The following OSBPL8 variants were observed in gnomAD, a reference collection of about 807,000 sequenced individuals.
OSBPL8 encodes oxysterol-binding protein-related protein 8.
In OSBPL8, 59 loss-of-function variants were observed where a neutral mutation model predicts 125.5. That is an observed-to-expected ratio of 0.47 (90% CI 0.38 to 0.58). The LOEUF is 0.58. Among genes scored for constraint, OSBPL8 ranks in the 20% least tolerant of loss-of-function variants. The pLI, the probability that OSBPL8 is intolerant of heterozygous loss-of-function variation, is 0.00. For missense variants in OSBPL8, 758 were observed against 1,047.8 expected (o/e 0.72, Z 3.82); for synonymous variants, 330 against 338.9 (o/e 0.97, Z 0.29).
chr12:76,358,175 C>CTTTTTTTTTT (rs60714321), intron 22 of OSBPL8, among the ~76,000 whole-genome samples: 2 of 100,192 alleles, frequency 2.0e-5, no homozygotes, highest in Non-Finnish European at 3.8e-5. Flanking sequence ...GAGTGTGGTT[C>CTTTTTTTTTT]TTTTTTTTTT....
chr12:76,465,821 C>T (rs572650248), intron 2 of OSBPL8, among the ~76,000 whole-genome samples: 5 of 152,158 alleles, frequency 3.3e-5, no homozygotes, highest in African/African-American at 1.2e-4. Flanking sequence ...GCCTGGCCAA[C>T]ATGGTGAAAC....
chr12:76,503,955 G>T lies in OSBPL8; in HGVS notation c.-67-16337C>A, dbSNP rs186246739. On this transcript the variant is annotated intron_variant, in intron 1 of 23. Coordinates refer to ENST00000261183, the MANE Select transcript of OSBPL8 (RefSeq NM_020841.5). ...CTAAGCTATGAGACTCAGTTGTTTG[G>T]TTAAACATCAGTATAGATGTTGCTG... 5.7e-4 allele frequency among the ~76,000 whole-genome samples: 87 copies of T among 151,984 alleles called. 2 individuals are homozygous for T. Among genetic ancestry groups the T allele is most frequent in the African/African-American group, 2.1e-3 (86 of 41,432 alleles).
At chr12:76,487,021 ATT>A (rs63178360) in intron 2 of OSBPL8, among the ~76,000 whole-genome samples, 49 of 101,888 alleles carry the variant, frequency 4.8e-4, no homozygotes, top group Non-Finnish European at 8.4e-4. Context: ...TGCAATTTTC[ATT>A]TTTTTTTTTT....
chr12:76,373,733 C>CT (rs1952706844), intron 17 of OSBPL8, among the ~76,000 whole-genome samples: 1 of 5,884 alleles, frequency 1.7e-4, no homozygotes, highest in Non-Finnish European at 4.8e-3. Context: ...CCTGTGTCCT[C>CT]CCCTGTCAAG....
At chr12:76,444,097 C>T (rs1174584173) in intron 4 of OSBPL8, among the ~76,000 whole-genome samples, 1 of 151,936 alleles carries the variant, frequency 6.6e-6, no homozygotes, top group African/African-American at 2.4e-5. Flanking sequence ...AACAATAGAA[C>T]AAAACCAGAG....
intron 5 of OSBPL8, among the ~76,000 whole-genome samples, chr12:76,407,523 T>C (rs1393215436): frequency 1.3e-5 from 2 of 152,162 alleles, no homozygotes; most frequent in East Asian, 1.9e-4. Flanking sequence ...GCTGGGATTA[T>C]AGGCATGAAA....
chr12:76,508,314 A>G (rs1160683090), intron 1 of OSBPL8, among the ~76,000 whole-genome samples: 1 of 152,244 alleles, frequency 6.6e-6, no homozygotes, highest in Non-Finnish European at 1.5e-5. Context: ...ACTAATCTAC[A>G]CTATAGTAGT....
intron 1 of OSBPL8, among the ~76,000 whole-genome samples, chr12:76,508,846 C>G (rs1337514885): frequency 1.3e-5 from 2 of 152,214 alleles, no homozygotes; most frequent in Non-Finnish European, 2.9e-5. Flanking sequence ...TTACCCACCC[C>G]TTTCCCAGAA....
chr12:76,441,409 C>T (rs1370928263), intron 4 of OSBPL8, among the ~76,000 whole-genome samples: 2 of 152,184 alleles, frequency 1.3e-5, no homozygotes, highest in African/African-American at 2.4e-5. Flanking sequence ...AAAAATTATA[C>T]AAATATTACT....
chr12:76,449,120 TACA>T (rs1029609539), intron 4 of OSBPL8, among the ~76,000 whole-genome samples: 76 of 152,282 alleles, frequency 5.0e-4, no homozygotes, highest in African/African-American at 1.6e-3. Context: ...TTCATAAAGT[TACA>T]ACATCAAAAC....
intron 4 of OSBPL8, chr12:76,422,627 C>T (rs770396095): frequency 2.2e-6 from 1 of 456,534 alleles, no homozygotes; most frequent in East Asian, 6.9e-5. Context: ...GGAAGAAAAT[C>T]TACGTTGTGA....
chr12:76,364,935 G>C (rs192542026), intron 21 of OSBPL8, among the ~76,000 whole-genome samples: 1 of 152,138 alleles, frequency 6.6e-6, no homozygotes, highest in East Asian at 1.9e-4. Flanking sequence ...GGATTGTGGC[G>C]AATCTGTAGG....
intron 1 of OSBPL8, among the ~76,000 whole-genome samples, chr12:76,524,013 T>C (rs1318750781): frequency 2.0e-5 from 3 of 152,208 alleles, no homozygotes; most frequent in Non-Finnish European, 4.4e-5. Context: ...TACGTTAACT[T>C]TTTTAGAAAA....
intron 1 of OSBPL8, among the ~76,000 whole-genome samples, chr12:76,505,036 C>G (rs1280012619): frequency 6.6e-6 from 1 of 152,100 alleles, no homozygotes; most frequent in African/African-American, 2.4e-5. Context: ...TAGCATCCTG[C>G]CCACCAAACT....
chr12:76,528,349 A>AT (rs1950236349), intron 1 of OSBPL8, among the ~76,000 whole-genome samples: 1 of 149,884 alleles, frequency 6.7e-6, no homozygotes, highest in African/African-American at 2.5e-5. Flanking sequence ...AAAAAAAAAA[A>AT]GTATTATTAT....
At chr12:76,447,587 A>G (rs544367952) in intron 4 of OSBPL8, among the ~76,000 whole-genome samples, 230 of 152,008 alleles carry the variant, frequency 1.5e-3, no homozygotes, top group African/African-American at 5.3e-3. Flanking sequence ...CTTATTGCCC[A>G]GGCTGGAGTG....
Position 76,352,444 on chromosome 12 carries a change from TCA to T in OSBPL8, c.*3443_*3444del, listed in dbSNP as rs1403020868. ...AAAAAGTAAATTAAATATACTAAACTCACACAACAGGTAGAATAAAATGAAAC... is the reference window on the plus strand; with the variant it reads ...AAAAAGTAAATTAAATATACTAAACTCACAACAGGTAGAATAAAATGAAAC... On this transcript the variant is annotated 3_prime_UTR_variant, in exon 24 of 24. Transcript: ENST00000261183. 2.6e-5 allele frequency: 4 copies of T among 152,378 alleles called. No homozygotes were observed. Among genetic ancestry groups the T allele is most frequent in the African/African-American group, 9.7e-5 (4 of 41,372 alleles). The allele number at this position is 152,378 out of a possible 1,614,324, so 9.4% of individuals were successfully genotyped here.
At position 76,394,636 on chromosome 12, in the gene OSBPL8, T is replaced by A; in HGVS notation, c.757+9A>T. On this transcript the variant is annotated intron_variant, in intron 9 of 23. Transcript: ENST00000261183. ...GACCAAAATCCAATCCATCAAAAAC[T>A]ATACTTACCATCTGACTCTGAAGTA... is the stretch of plus-strand genomic sequence containing the variant. The A allele has an allele frequency of 1.2e-6, 2 of 1,605,406 alleles. No homozygotes were observed. Among genetic ancestry groups the A allele is most frequent in the Non-Finnish European group, 1.7e-6 (2 of 1,175,666 alleles).
At chr12:76,454,006 C>T (rs1873721643) in intron 3 of OSBPL8, among the ~76,000 whole-genome samples, 1 of 152,086 alleles carries the variant, frequency 6.6e-6, no homozygotes, top group Non-Finnish European at 1.5e-5. Flanking sequence ...ATTTTATACT[C>T]AGTAAAATTA....
Sources: allele counts gnomAD v4.1 joint callset (sites outside exome capture counted in the v4.1 genomes callset), GRCh38; gene constraint gnomAD v4.1.1; transcripts MANE v1.5; gene names NCBI Gene and HGNC (gene_info 2026-07-23, HGNC 2026-07-21).